The following FHIT variants were observed in gnomAD, a reference collection of about 807,000 sequenced individuals.
FHIT encodes the protein bis(5'-adenosyl)-triphosphatase.
A neutral mutation model predicts 17.9 loss-of-function variants in FHIT; 19 were observed. The ratio of observed to expected loss-of-function variants is 1.06; its 90% CI spans 0.74 to 1.56. The LOEUF (loss-of-function observed/expected upper bound fraction) is 1.56, where lower values mean the gene tolerates loss of function less well. Ranked by LOEUF, FHIT falls within the 40% of genes most tolerant of loss-of-function variation. FHIT has a pLI of 0.00. For synonymous variants in FHIT, 81 were observed against 69.7 expected (o/e 1.16, Z -0.81); for missense variants, 248 against 189.2 (o/e 1.31, Z -1.82).
In FHIT at chr3:60,534,458, AAAAAAG is replaced by A. The variant is rs200149923; in HGVS notation, c.103+2396_103+2401del. Among the ~76,000 whole-genome samples the A allele has an allele frequency of 4.1e-3, 506 of 123,910 alleles. 8 individuals carry two copies. Among genetic ancestry groups the A allele is most frequent in the African/African-American group, 0.016 (420 of 26,748 alleles). 81.3% of individuals were successfully genotyped at this position (123,910 alleles called of 152,430 possible). A position where few individuals can be genotyped will look rare whatever the true frequency, so the allele number is the denominator to read the frequency against. On this transcript the variant is annotated intron_variant, in intron 5 of 9. Transcript: ENST00000492590. ...CCGTCTCAAAAAAAAAAAAAAAAAA[AAAAAAG>A]ATGCGTCTCCCAGTTGTAACATGGC... is the stretch of plus-strand genomic sequence containing the variant.
At position 61,251,310 on chromosome 3, in the gene FHIT, TG is replaced by T. The variant is rs2040618822; in HGVS notation, c.-223del. ...GCCTCCCCGCCCCTACCTTCCAGGA[TG>T]TTGACAGCTGGGAATGAAAGGCAGA... On this transcript the variant is annotated 5_prime_UTR_variant, in exon 1 of 10. Transcript: ENST00000492590. 2 of 152,416 alleles carry T rather than the reference TG, an allele frequency of 1.3e-5. No homozygotes were observed. Among genetic ancestry groups the T allele is most frequent in the South Asian group, 2.1e-4 (1 of 4,838 alleles). The allele number at this position is 152,416 out of a possible 1,614,324, so 9.4% of individuals were successfully genotyped here. A position where few individuals can be genotyped will look rare whatever the true frequency, so the allele number is the denominator to read the frequency against.
intron 4 of FHIT, among the ~76,000 whole-genome samples, chr3:60,647,858 T>A: frequency 6.6e-6 from 1 of 152,298 alleles, no homozygotes; most frequent in Middle Eastern, 3.4e-3. Flanking sequence ...TGGGGATGAA[T>A]TGTCATACAC....
At chr3:59,950,426 G>A (rs955327579) in intron 7 of FHIT, among the ~76,000 whole-genome samples, 1 of 151,954 alleles carries the variant, frequency 6.6e-6, no homozygotes, top group African/African-American at 2.4e-5. Flanking sequence ...CCAGCCTTGG[G>A]CAAATCCCCC....
chr3:60,448,598 A>T (rs1017732909), intron 5 of FHIT, among the ~76,000 whole-genome samples: 5 of 152,146 alleles, frequency 3.3e-5, no homozygotes, highest in African/African-American at 9.7e-5. Flanking sequence ...AAGCAGAGAG[A>T]GACAACCTGA....
intron 7 of FHIT, among the ~76,000 whole-genome samples, chr3:59,994,107 G>T (rs1353410593): frequency 1.3e-5 from 2 of 152,140 alleles, no homozygotes; most frequent in East Asian, 3.9e-4. Flanking sequence ...GGATCACAGA[G>T]CTAGGAAGAA....
intron 8 of FHIT, among the ~76,000 whole-genome samples, chr3:59,763,262 TAGGCAAGGA>T (rs1701619157): frequency 6.6e-6 from 1 of 152,178 alleles, no homozygotes; most frequent in Non-Finnish European, 1.5e-5. Context: ...AAGCACAGTG[TAGGCAAGGA>T]AACTCTCCAA....
intron 3 of FHIT, among the ~76,000 whole-genome samples, chr3:60,960,956 G>T (rs1709403020): frequency 6.6e-6 from 1 of 152,214 alleles, no homozygotes; most frequent in African/African-American, 2.4e-5. Flanking sequence ...CCAGTAATGG[G>T]ATGGCTGGGT....
chr3:60,003,820 A>C (rs946753606), intron 7 of FHIT, among the ~76,000 whole-genome samples: 12 of 151,888 alleles, frequency 7.9e-5, no homozygotes, highest in Non-Finnish European at 1.0e-4. Flanking sequence ...AAAGTACTGA[A>C]TCTTTCTCAC....
At chr3:59,861,508 T>A (rs1205307641) in intron 8 of FHIT, among the ~76,000 whole-genome samples, 1 of 152,202 alleles carries the variant, frequency 6.6e-6, no homozygotes, top group African/African-American at 2.4e-5. Context: ...TTTGGAAATA[T>A]TTTCTTAAAA....
intron 3 of FHIT, among the ~76,000 whole-genome samples, chr3:60,834,575 T>C (rs1553743410): frequency 1.3e-5 from 2 of 152,094 alleles, no homozygotes. Flanking sequence ...AAAAGGGTCT[T>C]AGGCCGGGCG....
chr3:60,299,731 C>T (rs1452998471), intron 5 of FHIT, among the ~76,000 whole-genome samples: 1 of 152,076 alleles, frequency 6.6e-6, no homozygotes, highest in African/African-American at 2.4e-5. Flanking sequence ...TGGCTCTCTA[C>T]TTGGCTTTCT....
intron 3 of FHIT, among the ~76,000 whole-genome samples, chr3:61,008,456 A>G (rs1358493589): frequency 1.3e-5 from 2 of 152,130 alleles, no homozygotes; most frequent in Non-Finnish European, 2.9e-5. Flanking sequence ...CATTGGGAGA[A>G]CAAAAGGAGT....
chr3:60,671,940 A>C (rs1327899931), intron 4 of FHIT, among the ~76,000 whole-genome samples: 1 of 152,010 alleles, frequency 6.6e-6, no homozygotes, highest in Non-Finnish European at 1.5e-5. Flanking sequence ...ACAAGAGCAA[A>C]ACTCTGTCTT....
chr3:60,261,946 A>G (rs1469799336), intron 5 of FHIT, among the ~76,000 whole-genome samples: 3 of 152,058 alleles, frequency 2.0e-5, no homozygotes, highest in Non-Finnish European at 4.4e-5. Context: ...AGCCCAGTTT[A>G]TTACCATTAG....
intron 5 of FHIT, among the ~76,000 whole-genome samples, chr3:60,452,078 T>C (rs2031783916): frequency 6.6e-6 from 1 of 152,180 alleles, no homozygotes; most frequent in Non-Finnish European, 1.5e-5. Flanking sequence ...ATTTCTATAC[T>C]TCTGTGAGAT....
rs1215021339 is a variant in FHIT, at chr3:60,412,038, C to T, written c.103+124822G>A. Among the ~76,000 whole-genome samples, 3 of 151,864 alleles carry T rather than the reference C, an allele frequency of 2.0e-5. 1 individual carries two copies. The highest frequency in any genetic ancestry group is 4.2e-4 in the South Asian group (2 of 4,808). On this transcript the variant is annotated intron_variant, in intron 5 of 9. Coordinates refer to ENST00000492590, the MANE Select transcript of FHIT (RefSeq NM_002012.4). ...GGAAACATTTTTTCACCTGTATTAT[C>T]TTCAGAGAAGATAATACACCTGCAG...
At chr3:60,475,418 A>G (rs1409474165) in intron 5 of FHIT, among the ~76,000 whole-genome samples, 1 of 152,250 alleles carries the variant, frequency 6.6e-6, no homozygotes, top group Admixed American at 6.5e-5. Flanking sequence ...AATAGATTGA[A>G]TACTGTGATT....
At chr3:60,209,494 C>G (rs1283383099) in intron 5 of FHIT, among the ~76,000 whole-genome samples, 1 of 152,180 alleles carries the variant, frequency 6.6e-6, no homozygotes, top group Non-Finnish European at 1.5e-5. Context: ...TACATTCCTA[C>G]TCCTGATTTG....
At chr3:59,984,650 AGGCACACAGCCTT>A (rs1292391515) in intron 7 of FHIT, among the ~76,000 whole-genome samples, 1 of 152,108 alleles carries the variant, frequency 6.6e-6, no homozygotes, top group Admixed American at 6.6e-5. Context: ...AATGGAACCA[AGGCACACAGCCTT>A]GGCTAATACC....
Sources: gnomAD v4.1 joint callset for allele counts (sites outside exome capture counted in the v4.1 genomes callset) on GRCh38, gnomAD v4.1.1 for gene constraint, MANE v1.5 for transcripts, NCBI Gene and HGNC (gene_info 2026-07-23, HGNC 2026-07-21) for gene names.